ARHGAP44: variants seen among roughly 807,000 people sequenced by gnomAD.
ARHGAP44 encodes Rho GTPase activating protein 44.
In ARHGAP44, 43 loss-of-function variants were observed where a neutral mutation model predicts 106.8. The observed-to-expected ratio is 0.40, with a 90% CI of 0.32 to 0.52. The LOEUF (loss-of-function observed/expected upper bound fraction) is 0.52. Among genes scored for constraint, ARHGAP44 ranks in the 20% least tolerant of loss-of-function variants. The pLI is 0.48. For synonymous variants in ARHGAP44, 439 were observed against 410.3 expected (o/e 1.07, Z -0.85); for missense variants, 866 against 1,050.5 (o/e 0.82, Z 2.43).
At chr17:12,838,035 C>T (rs993497322) in intron 1 of ARHGAP44, among the ~76,000 whole-genome samples, 6 of 152,152 alleles carry the variant, frequency 3.9e-5, no homozygotes, top group Non-Finnish European at 7.3e-5. Flanking sequence ...CCCTCCCCTC[C>T]CATCTCTCTT....
intron 1 of ARHGAP44, among the ~76,000 whole-genome samples, chr17:12,800,963 A>T (rs1424101559): frequency 6.6e-6 from 1 of 152,260 alleles, no homozygotes; most frequent in Non-Finnish European, 1.5e-5. Context: ...CGTTCATTTA[A>T]GATAATTGAG....
At chr17:12,981,484 G>A (rs540130867) in intron 19 of ARHGAP44, among the ~76,000 whole-genome samples, 4 of 151,272 alleles carry the variant, frequency 2.6e-5, no homozygotes, top group Admixed American at 1.3e-4. Context: ...TGCAACCTCC[G>A]CCTCCTGGGT....
Position 12,795,800 on chromosome 17 carries a change from C to T in ARHGAP44, c.53+5909C>T, listed in dbSNP as rs145738888. Among the ~76,000 whole-genome samples the T allele has an allele frequency of 2.5e-3, 381 of 152,090 alleles. 6 individuals carry two copies. The highest frequency in any genetic ancestry group is 9.0e-3 in the African/African-American group (372 of 41,496). On this transcript the variant is annotated intron_variant, in intron 1 of 20. Transcript: ENST00000379672. ...AGAGAGTCAGGCCTCTTCCCTCGGG[C>T]GTGGGGCATCCAATTGAGCTGGCAC...
intron 12 of ARHGAP44, among the ~76,000 whole-genome samples, chr17:12,951,018 C>T (rs2038979992): frequency 6.6e-6 from 1 of 152,158 alleles, no homozygotes; most frequent in Non-Finnish European, 1.5e-5. Context: ...GTGAGAAAAG[C>T]CAACTCCAAT....
intron 1 of ARHGAP44, among the ~76,000 whole-genome samples, chr17:12,820,809 T>TCCCAG (rs1292045437): frequency 6.6e-6 from 1 of 152,142 alleles, no homozygotes; most frequent in East Asian, 1.9e-4. Flanking sequence ...TTTTATGTTA[T>TCCCAG]TCCAGTGTGA....
rs146091607 is a variant in ARHGAP44 at position 12,875,215 on chromosome 17, GC to G, written c.54-19724del. 3.0e-3 allele frequency among the ~76,000 whole-genome samples: 455 copies of G among 152,270 alleles called. 3 individuals are homozygous for G. Among genetic ancestry groups the G allele is most frequent in the African/African-American group, 0.01 (419 of 41,562 alleles). Reference sequence around the variant, plus strand: ...ATTTTTAACAAATCTTCAAAGTGATGCTGATGCTGCTGGTCCAGGGACCACC... The same window carrying G: ...ATTTTTAACAAATCTTCAAAGTGATGTGATGCTGCTGGTCCAGGGACCACC... On this transcript the variant is annotated intron_variant, in intron 1 of 20. Transcript: ENST00000379672.
chr17:12,944,438 T>C (rs543427070), intron 10 of ARHGAP44, among the ~76,000 whole-genome samples: 34 of 152,212 alleles, frequency 2.2e-4, no homozygotes, highest in African/African-American at 8.2e-4. Context: ...CATATTCTAG[T>C]CATTCTTTCC....
intron 1 of ARHGAP44, among the ~76,000 whole-genome samples, chr17:12,860,711 C>T (rs1365381234): frequency 6.6e-6 from 1 of 152,284 alleles, no homozygotes; most frequent in East Asian, 1.9e-4. Context: ...TATCCCTTCC[C>T]TACTCTTGAG....
At chr17:12,918,838 CG>C (rs2150953741) in intron 5 of ARHGAP44, among the ~76,000 whole-genome samples, 1 of 151,722 alleles carries the variant, frequency 6.6e-6, no homozygotes, top group East Asian at 1.9e-4. Flanking sequence ...TTTGGCAGGG[CG>C]GGAGTTGGGG....
At chr17:12,842,082 A>G (rs886288275) in intron 1 of ARHGAP44, among the ~76,000 whole-genome samples, 1 of 151,936 alleles carries the variant, frequency 6.6e-6, no homozygotes, top group African/African-American at 2.4e-5. Context: ...CGAACATGAG[A>G]ATCGCTTGGA....
At chr17:12,806,694 C>T (rs999689922) in intron 1 of ARHGAP44, among the ~76,000 whole-genome samples, 9 of 152,210 alleles carry the variant, frequency 5.9e-5, no homozygotes, top group Admixed American at 3.3e-4. Context: ...AGTTGTAAAA[C>T]CATGGACAAG....
chr17:12,970,384 AAAAAG>A (rs1567715970), intron 16 of ARHGAP44, among the ~76,000 whole-genome samples: 1 of 96,324 alleles, frequency 1.0e-5, no homozygotes, highest in Non-Finnish European at 2.4e-5. Context: ...AAAAAAAAAA[AAAAAG>A]AAAAAGAAGA....
chr17:12,953,196 T>C (rs960417028), intron 13 of ARHGAP44, among the ~76,000 whole-genome samples: 2 of 152,094 alleles, frequency 1.3e-5, no homozygotes, highest in African/African-American at 4.8e-5. Flanking sequence ...GCTCCCCCAT[T>C]CCCGAGCCCT....
intron 1 of ARHGAP44, among the ~76,000 whole-genome samples, chr17:12,877,622 C>T (rs2036596158): frequency 6.6e-6 from 1 of 151,926 alleles, no homozygotes; most frequent in South Asian, 2.1e-4. Context: ...AGGTGGCGGG[C>T]GTCTGTAGTC....
At chr17:12,835,889 T>C (rs964992057) in intron 1 of ARHGAP44, among the ~76,000 whole-genome samples, 2 of 152,236 alleles carry the variant, frequency 1.3e-5, no homozygotes, top group Non-Finnish European at 2.9e-5. Flanking sequence ...GTTGGAATCA[T>C]ACAATATTTG....
At position 12,793,176 on chromosome 17, in the gene ARHGAP44, A is replaced by G. The variant is rs76403921; in HGVS notation, c.53+3285A>G. On this transcript the variant is annotated intron_variant, in intron 1 of 20. Transcript: ENST00000379672. ...GAGTAGTTAAGGATTGCACTGTGGT[A>G]ATGTGGTAACCACAGTGATAACATA... is the stretch of plus-strand genomic sequence containing the variant. Among the ~76,000 whole-genome samples the G allele has an allele frequency of 2.6e-4, 40 of 152,312 alleles. No homozygotes were observed. In the East Asian group the frequency reaches 7.5e-3, roughly 29 times the overall value.
chr17:12,974,005 G>T, intron 17 of ARHGAP44, 84 bp from the exon 18 acceptor site: 1 of 1,390,104 alleles, frequency 7.2e-7, no homozygotes, highest in African/African-American at 1.4e-5. Context: ...CTCCCAACGC[G>T]GACCTGCTTG....
chr17:12,842,357 T>G (rs1433267140), intron 1 of ARHGAP44, among the ~76,000 whole-genome samples: 3 of 135,408 alleles, frequency 2.2e-5, no homozygotes, highest in Non-Finnish European at 4.6e-5. Context: ...GTCGAGGCTG[T>G]GGTGAGCCAT....
rs1242035015 is a variant in ARHGAP44, at chr17:12,868,353, C to T, written c.54-26587C>T. Among the ~76,000 whole-genome samples the T allele has an allele frequency of 4.6e-5, 7 of 152,094 alleles. No homozygotes were observed. The South Asian group carries it at 8.3e-4, about 18-fold the overall frequency. On this transcript the variant is annotated intron_variant, in intron 1 of 20. Transcript: ENST00000379672. ...CTTTTAAAGACCATATCTTCAAATACGGTCACATTCTGAAGTACTGGGATT... is the reference window on the plus strand; with the variant it reads ...CTTTTAAAGACCATATCTTCAAATATGGTCACATTCTGAAGTACTGGGATT...
Sources: allele counts gnomAD v4.1 joint callset (sites outside exome capture counted in the v4.1 genomes callset), GRCh38; gene constraint gnomAD v4.1.1; transcripts MANE v1.5; gene names NCBI Gene and HGNC (gene_info 2026-07-23, HGNC 2026-07-21).